The following PHACTR1 variants were observed in gnomAD, a reference collection of about 807,000 sequenced individuals.
PHACTR1 encodes phosphatase and actin regulator 1, also known as RPEL repeat containing 1.
In PHACTR1, 16 loss-of-function variants were observed where a neutral mutation model predicts 69.2. The observed-to-expected ratio is 0.23, with a 90% CI of 0.16 to 0.35. PHACTR1 has a LOEUF of 0.35. Ranked by LOEUF, PHACTR1 falls within the 10% of genes least tolerant of loss-of-function variation. The pLI, the probability that PHACTR1 is intolerant of heterozygous loss-of-function variation, is 1.00. For missense variants in PHACTR1, 510 were observed against 734.7 expected (o/e 0.69, Z 3.54); for synonymous variants, 312 against 284.5 (o/e 1.10, Z -0.97).
At chr6:12,886,911 A>G (rs1467767989) in intron 4 of PHACTR1, among the ~76,000 whole-genome samples, 1 of 152,102 alleles carries the variant, frequency 6.6e-6, no homozygotes, top group Non-Finnish European at 1.5e-5. Flanking sequence ...GTGAATCATG[A>G]AGCAAAAAAG....
intron 4 of PHACTR1, among the ~76,000 whole-genome samples, chr6:12,827,711 G>A (rs1776956944): frequency 6.6e-6 from 1 of 152,180 alleles, no homozygotes; most frequent in Admixed American, 6.5e-5. Flanking sequence ...TTTTGTGGAA[G>A]CACATACCAG....
intron 5 of PHACTR1, among the ~76,000 whole-genome samples, chr6:13,089,858 T>C (rs1253015003): frequency 6.6e-6 from 1 of 152,122 alleles, no homozygotes; most frequent in African/African-American, 2.4e-5. Flanking sequence ...CAGAGGAAAA[T>C]GCAGCCACAT....
intron 8 of PHACTR1, among the ~76,000 whole-genome samples, chr6:13,218,086 C>A (rs1411448037): frequency 6.6e-6 from 1 of 152,024 alleles, no homozygotes; most frequent in Non-Finnish European, 1.5e-5. Flanking sequence ...TTTTTTTTAA[C>A]AGTGGATGCA....
At chr6:13,193,687 T>C (rs1763947142) in intron 7 of PHACTR1, among the ~76,000 whole-genome samples, 1 of 151,990 alleles carries the variant, frequency 6.6e-6, no homozygotes, top group Non-Finnish European at 1.5e-5. Context: ...CACATCCAGC[T>C]CAGTATTTTC....
chr6:13,208,303 C>T (rs1419138253), intron 8 of PHACTR1, among the ~76,000 whole-genome samples: 1 of 152,206 alleles, frequency 6.6e-6, no homozygotes, highest in Non-Finnish European at 1.5e-5. Context: ...CACGTAAGTG[C>T]AGACATTGAG....
intron 8 of PHACTR1, among the ~76,000 whole-genome samples, chr6:13,222,956 T>G (rs1768923271): frequency 6.6e-6 from 1 of 152,226 alleles, no homozygotes; most frequent in South Asian, 2.1e-4. Context: ...TAGGACAACC[T>G]TTTATTAGTT....
chr6:13,201,878 A>C (rs1158420195), intron 7 of PHACTR1, among the ~76,000 whole-genome samples: 2 of 152,260 alleles, frequency 1.3e-5, no homozygotes, highest in East Asian at 3.8e-4. Flanking sequence ...TAGAGACTGC[A>C]TGGCTAATTC....
At chr6:12,798,903 T>C (rs1252134232) in intron 4 of PHACTR1, among the ~76,000 whole-genome samples, 14 of 152,218 alleles carry the variant, frequency 9.2e-5, no homozygotes, top group Admixed American at 9.2e-4. Flanking sequence ...TATTCTTTCA[T>C]TATAGTTGAT....
intron 4 of PHACTR1, among the ~76,000 whole-genome samples, chr6:12,889,795 T>C (rs1277086455): frequency 4.9e-4 from 40 of 82,402 alleles, no homozygotes; most frequent in African/African-American, 1.6e-3. Context: ...TTCTCCTTCT[T>C]CCTTTTTTTT....
intron 6 of PHACTR1, among the ~76,000 whole-genome samples, chr6:13,177,943 A>G (rs534152289): frequency 6.6e-6 from 1 of 152,322 alleles, no homozygotes; most frequent in East Asian, 1.9e-4. Flanking sequence ...GTGTTTGTCT[A>G]TTGAATGAGT....
chr6:12,960,585 G>A (rs532703301), intron 4 of PHACTR1, among the ~76,000 whole-genome samples: 3 of 152,248 alleles, frequency 2.0e-5, no homozygotes, highest in Admixed American at 1.3e-4. Context: ...GGGTCACAGC[G>A]ACCCCACACC....
intron 12 of PHACTR1, chr6:13,281,525 C>A: frequency 4.1e-6 from 1 of 242,246 alleles, no homozygotes; most frequent in Non-Finnish European, 8.9e-6. Context: ...CCATTGAACT[C>A]CAGCCTGGGC....
At chr6:13,020,020 A>G (rs1800738896) in intron 4 of PHACTR1, among the ~76,000 whole-genome samples, 1 of 152,182 alleles carries the variant, frequency 6.6e-6, no homozygotes, top group African/African-American at 2.4e-5. Context: ...GGGACAGCTG[A>G]GCTGAAAGCC....
chr6:12,732,742 A>T (rs987047734), intron 3 of PHACTR1, among the ~76,000 whole-genome samples: 1 of 152,058 alleles, frequency 6.6e-6, no homozygotes, highest in Non-Finnish European at 1.5e-5. Context: ...ATTGCTTTTA[A>T]TTTTTCTATG....
chr6:12,776,555 C>T (rs1181921346), intron 4 of PHACTR1, among the ~76,000 whole-genome samples: 1 of 152,170 alleles, frequency 6.6e-6, no homozygotes, highest in Non-Finnish European at 1.5e-5. Context: ...CAGCTTCTAA[C>T]GGGAACTCAG....
chr6:12,845,128 G>A (rs1215996314), intron 4 of PHACTR1, among the ~76,000 whole-genome samples: 2 of 152,144 alleles, frequency 1.3e-5, no homozygotes, highest in South Asian at 4.1e-4. Flanking sequence ...TTGGATCGAC[G>A]TTTTTCAAAA....
intron 4 of PHACTR1, among the ~76,000 whole-genome samples, chr6:12,876,443 C>T (rs1415721729): frequency 6.6e-6 from 1 of 152,136 alleles, no homozygotes; most frequent in Non-Finnish European, 1.5e-5. Flanking sequence ...TCCAAGGTCG[C>T]ACAGCTAGTA....
intron 4 of PHACTR1, among the ~76,000 whole-genome samples, chr6:13,004,322 G>T (rs943238489): frequency 6.6e-6 from 1 of 151,880 alleles, no homozygotes; most frequent in Non-Finnish European, 1.5e-5. Context: ...TAGCCATTCT[G>T]ACTGGTGTGA....
intron 8 of PHACTR1, among the ~76,000 whole-genome samples, chr6:13,225,482 T>C (rs1347191453): frequency 6.6e-6 from 1 of 152,226 alleles, no homozygotes; most frequent in Non-Finnish European, 1.5e-5. Flanking sequence ...AATCCCATCC[T>C]ATGCAAGAAG....
Sources: gnomAD v4.1 joint callset for allele counts (sites outside exome capture counted in the v4.1 genomes callset) on GRCh38, gnomAD v4.1.1 for gene constraint, MANE v1.5 for transcripts, NCBI Gene and HGNC (gene_info 2026-07-23, HGNC 2026-07-21) for gene names.